Variants in TNFSF15 observed in about 807,000 individuals in gnomAD.
The protein encoded by TNFSF15 is TNF superfamily member 15.
In TNFSF15, 15 loss-of-function variants were observed where a neutral mutation model predicts 26.4. The observed-to-expected ratio is 0.57, with a 90% confidence interval of 0.38 to 0.87. TNFSF15 has a LOEUF of 0.87. Ranked by LOEUF, TNFSF15 falls within the 40% of genes least tolerant of loss-of-function variation. TNFSF15 has a pLI of 0.00. For synonymous variants in TNFSF15, 116 were observed against 115.0 expected (o/e 1.01, Z -0.06); for missense variants, 290 against 306.1 (o/e 0.95, Z 0.39).
intron 1 of TNFSF15, among the ~76,000 whole-genome samples, chr9:114,797,581 C>T (rs115406154): frequency 6.6e-6 from 1 of 152,308 alleles, no homozygotes; most frequent in African/African-American, 2.4e-5. Flanking sequence ...TTATGCATTA[C>T]AGCTGTCCTA....
chr9:114,805,984 C>G lies in TNFSF15; in HGVS notation c.29G>C (p.Gly10Ala). MAEDLGLSF[G>A]ETASVEMLPE... Reference sequence around the variant, plus strand: ...CAGCATTTCCACACTGGCTGTTTCCCCAAAGCTCAGTCCCAGATCCTCGGC... The same window carrying G: ...CAGCATTTCCACACTGGCTGTTTCCGCAAAGCTCAGTCCCAGATCCTCGGC... Residue 10 changes from glycine to alanine, a missense_variant, in exon 1 of 4, where the codon GGG becomes GCG. By Grantham distance (60) the Gly-to-Ala change is moderately conservative. Transcript: ENST00000374045. The G allele has an allele frequency of 6.2e-7, 1 of 1,614,062 alleles. No individual in the cohort carries two copies. The highest frequency in any genetic ancestry group is 2.2e-5 in the East Asian group (1 of 44,874).
intron 1 of TNFSF15, among the ~76,000 whole-genome samples, chr9:114,804,642 G>C (rs575327370): frequency 6.6e-6 from 1 of 152,322 alleles, no homozygotes; most frequent in Non-Finnish European, 1.5e-5. Context: ...GTCAAAGTCT[G>C]ACTTCCCATG....
chr9:114,791,995 A>C (rs1829606029), intron 3 of TNFSF15: 2 of 178,894 alleles, frequency 1.1e-5, no homozygotes. Flanking sequence ...GAGACAGGAG[A>C]GAAAGAGAGA....
chr9:114,796,486 T>G (rs1002533380), intron 1 of TNFSF15, among the ~76,000 whole-genome samples: 15 of 152,220 alleles, frequency 9.9e-5, no homozygotes, highest in African/African-American at 3.6e-4. Flanking sequence ...GCAACCACTG[T>G]GAATTGATTC....
chr9:114,805,956 T>C lies in TNFSF15; in HGVS notation c.57A>G (p.Pro19=). The C allele has an allele frequency of 6.2e-7, 1 of 1,614,142 alleles. No individual in the cohort carries two copies. The highest frequency in any genetic ancestry group is 8.5e-7 in the Non-Finnish European group (1 of 1,180,026). The stretch of plus-strand genomic sequence containing the variant: ...CCTTGGGCCTGCAGCTGCCGTGCTC[T>C]GGCAGCATTTCCACACTGGCTGTTT... ...FGETASVEML[P]EHGSCRPKAR... is the part of the protein sequence containing the mutation. Residue 19 remains proline, a synonymous_variant, in exon 1 of 4, where the codon CCA becomes CCG. Transcript: ENST00000374045.
At chr9:114,803,877 ACTGT>A (rs1829780591) in intron 1 of TNFSF15, among the ~76,000 whole-genome samples, 1 of 152,090 alleles carries the variant, frequency 6.6e-6, no homozygotes, top group Non-Finnish European at 1.5e-5. Flanking sequence ...CTGGTTTCCC[ACTGT>A]TGCTAGTGCT....
In TNFSF15 at chr9:114,805,915, GCGC is replaced by G; in HGVS notation, c.95_97del (p.Ser32_Ala33delinsThr). 1 of 1,614,138 alleles carries G rather than the reference GCGC, an allele frequency of 6.2e-7. No homozygotes were observed. The highest frequency in any genetic ancestry group is 8.5e-7 in the Non-Finnish European group (1 of 1,180,044). On this transcript the variant is annotated inframe_deletion, in exon 1 of 4. Coordinates refer to ENST00000374045, the MANE Select transcript of TNFSF15 (RefSeq NM_005118.4). ...CAGGCAGCAGGTGAGAGCCCAGCGT[GCGC>G]TGCTGCTCCTGGCCTTGGGCCTGCA...
intron 1 of TNFSF15, among the ~76,000 whole-genome samples, chr9:114,796,041 C>A (rs1320694030): frequency 1.3e-5 from 2 of 152,206 alleles, no homozygotes; most frequent in Non-Finnish European, 2.9e-5. Context: ...TGTCCAGCCC[C>A]TTTCCATCCA....
chr9:114,794,163 A>G (rs1037824766), intron 1 of TNFSF15, among the ~76,000 whole-genome samples: 1 of 152,232 alleles, frequency 6.6e-6, no homozygotes, highest in Non-Finnish European at 1.5e-5. Context: ...ATTTATTAAC[A>G]ATATGACCTT....
At position 114,802,172 on chromosome 9, in the gene TNFSF15, A is replaced by G. The variant is rs182169015; in HGVS notation, c.210+3631T>C. Reference sequence around the variant, plus strand: ...TGCATCACATTCTGGTTTAATGCTTATTCAACAATAAAACTGTTTTCTTTC... The same window carrying G: ...TGCATCACATTCTGGTTTAATGCTTGTTCAACAATAAAACTGTTTTCTTTC... On this transcript the variant is annotated intron_variant, in intron 1 of 3. Transcript: ENST00000374045. 1.6e-3 allele frequency among the ~76,000 whole-genome samples: 241 copies of G among 152,284 alleles called. 1 individual carries two copies. Among genetic ancestry groups the G allele is most frequent in the Middle Eastern group, 3.4e-3 (1 of 294 alleles).
At chr9:114,795,613 A>G (rs1258735374) in intron 1 of TNFSF15, among the ~76,000 whole-genome samples, 1 of 152,194 alleles carries the variant, frequency 6.6e-6, no homozygotes, top group Non-Finnish European at 1.5e-5. Context: ...ATACTATGCC[A>G]TTTTATATCA....
At chr9:114,799,782 C>CT (rs1298966663) in intron 1 of TNFSF15, among the ~76,000 whole-genome samples, 1 of 152,178 alleles carries the variant, frequency 6.6e-6, no homozygotes, top group African/African-American at 2.4e-5. Flanking sequence ...TGAGTGGATT[C>CT]TGCCGTTACC....
In TNFSF15 at chr9:114,792,461, CA is replaced by C. The variant is rs1299501793; in HGVS notation, c.254-8del. 1.9e-6 allele frequency: 3 copies of C among 1,613,922 alleles called. No individual in the cohort carries two copies. Among genetic ancestry groups the C allele is most frequent in the African/African-American group, 2.7e-5 (2 of 74,884 alleles). Reference sequence around the variant, plus strand: ...TCTGCTCTAAGAGGTGCATCTGTAACAAAAGGAGAAATGTGCTTTGTATGAG... The same window carrying C: ...TCTGCTCTAAGAGGTGCATCTGTAACAAAGGAGAAATGTGCTTTGTATGAG... On this transcript the variant is annotated splice_region_variant and splice_polypyrimidine_tract_variant and intron_variant, in intron 2 of 3. Transcript: ENST00000374045.
chr9:114,791,320 C>T (rs1052036875), intron 3 of TNFSF15: 17 of 266,774 alleles, frequency 6.4e-5, no homozygotes, highest in Middle Eastern at 1.4e-3. Flanking sequence ...TATGACAAGG[C>T]CAGGCACCAG....
chr9:114,794,835 C>T (rs931150935), intron 1 of TNFSF15, among the ~76,000 whole-genome samples: 11 of 152,034 alleles, frequency 7.2e-5, no homozygotes, highest in South Asian at 2.1e-4. Flanking sequence ...CGGTCTCATG[C>T]GAGTAAAGAG....
chr9:114,797,725 G>A (rs1829689547), intron 1 of TNFSF15, among the ~76,000 whole-genome samples: 1 of 152,180 alleles, frequency 6.6e-6, no homozygotes, highest in African/African-American at 2.4e-5. Flanking sequence ...AGAGGTGCTG[G>A]TCATGGCAAC....
intron 1 of TNFSF15, among the ~76,000 whole-genome samples, chr9:114,794,650 G>A (rs1829653127): frequency 6.6e-6 from 1 of 152,040 alleles, no homozygotes; most frequent in Non-Finnish European, 1.5e-5. Flanking sequence ...ATAGATGGAA[G>A]GATAAAGAAA....
rs1254888631 is a variant in TNFSF15, at chr9:114,792,448, G to T, written c.260C>A (p.Pro87His). ...FAPSHQQVYA[P>H]LRADGDKPRA... ...TGGCTTATCTCCGTCTGCTCTAAGAGGTGCATCTGTAACAAAAGGAGAAAT... is the reference window on the plus strand; with the variant it reads ...TGGCTTATCTCCGTCTGCTCTAAGATGTGCATCTGTAACAAAAGGAGAAAT... Residue 87 changes from proline (P) to histidine (H), a missense_variant, in exon 3 of 4, where the codon CCT (proline) becomes CAT (histidine). Physicochemically the swap from Pro to His is moderately conservative, Grantham distance 77. Coordinates refer to ENST00000374045, the MANE Select transcript of TNFSF15 (RefSeq NM_005118.4). 1.6e-5 allele frequency: 26 copies of T among 1,613,980 alleles called. No individual in the cohort carries two copies. Among genetic ancestry groups the T allele is most frequent in the Non-Finnish European group, 2.2e-5 (26 of 1,179,974 alleles).
chr9:114,792,665 G>T, intron 2 of TNFSF15: 1 of 1,179,148 alleles, frequency 8.5e-7, no homozygotes, highest in Non-Finnish European at 1.2e-6. Flanking sequence ...AAAGAGTCTT[G>T]AACACAAATG....
Sources: gnomAD v4.1 joint callset for allele counts (sites outside exome capture counted in the v4.1 genomes callset) on GRCh38, gnomAD v4.1.1 for gene constraint, MANE v1.5 for transcripts, NCBI Gene and HGNC (gene_info 2026-07-23, HGNC 2026-07-21) for gene names.